Variants in TAFA2 observed in about 807,000 individuals in gnomAD.
The protein encoded by TAFA2 is TAFA chemokine like family member 2.
In TAFA2, 7 loss-of-function variants were observed where a neutral mutation model predicts 18.8. That is an observed-to-expected ratio of 0.37 (90% CI 0.21 to 0.70). The LOEUF (loss-of-function observed/expected upper bound fraction) is 0.70, where lower values mean the gene tolerates loss of function less well. TAFA2 is among the 30% of genes least tolerant of loss of function. The pLI is 0.53. For missense variants in TAFA2, 122 were observed against 158.1 expected (o/e 0.77, Z 1.23); for synonymous variants, 60 against 54.2 (o/e 1.11, Z -0.47).
rs184121562 is a variant in TAFA2 at position 62,090,733 on chromosome 12, C to T, written c.-2+100526G>A. ...ATTTTTTCTAAAGAATATATAAACC[C>T]TATTGCAGCATTCATTTTCCATGGA... On this transcript the variant is annotated intron_variant, in intron 1 of 4. Coordinates refer to ENST00000416284, the MANE Select transcript of TAFA2 (RefSeq NM_178539.5). Among the ~76,000 whole-genome samples, 194 of 152,052 alleles carry T rather than the reference C, an allele frequency of 1.3e-3. 2 individuals are homozygous for T. Among genetic ancestry groups the T allele is most frequent in the Admixed American group, 7.1e-3 (108 of 15,250 alleles).
intron 2 of TAFA2, among the ~76,000 whole-genome samples, chr12:61,797,413 A>C (rs1357625657): frequency 6.6e-6 from 1 of 152,172 alleles, no homozygotes; most frequent in Non-Finnish European, 1.5e-5. Context: ...CTAATGAGCC[A>C]GTGAAATTAA....
At chr12:62,004,519 G>C (rs1009741572) in intron 1 of TAFA2, among the ~76,000 whole-genome samples, 7 of 152,106 alleles carry the variant, frequency 4.6e-5, no homozygotes, top group Non-Finnish European at 1.0e-4. Flanking sequence ...CTGTAAAGTA[G>C]GAACAAGCAT....
intron 1 of TAFA2, among the ~76,000 whole-genome samples, chr12:62,121,275 C>T (rs551122219): frequency 1.1e-4 from 17 of 152,126 alleles, no homozygotes; most frequent in East Asian, 3.9e-4. Context: ...TTATTCCTGC[C>T]GGGGGAGTGA....
upstream of TAFA2, among the ~76,000 whole-genome samples, chr12:62,197,140 A>G (rs1301911080): frequency 1.3e-5 from 2 of 152,214 alleles, no homozygotes; most frequent in Admixed American, 1.3e-4. Context: ...TGATGATCTG[A>G]GGTGGGATGG....
chr12:61,958,593 C>T (rs1169764190), intron 1 of TAFA2, among the ~76,000 whole-genome samples: 1 of 151,740 alleles, frequency 6.6e-6, no homozygotes, highest in East Asian at 1.9e-4. Context: ...CTTTATTTGT[C>T]TGTTGGCCAT....
intron 1 of TAFA2, among the ~76,000 whole-genome samples, chr12:62,160,640 C>T (rs527590105): frequency 1.3e-5 from 2 of 152,314 alleles, no homozygotes; most frequent in African/African-American, 2.4e-5. Context: ...ATATGACAGA[C>T]GCTTCTGACT....
intron 2 of TAFA2, among the ~76,000 whole-genome samples, chr12:61,835,519 A>T (rs916038776): frequency 2.0e-5 from 3 of 151,994 alleles, no homozygotes; most frequent in Non-Finnish European, 4.4e-5. Flanking sequence ...GAAAAAGATA[A>T]TTTTAACATT....
At chr12:62,206,098 C>T (rs538069319) in intron 1 of TAFA2, among the ~76,000 whole-genome samples, 194 of 152,258 alleles carry the variant, frequency 1.3e-3, no homozygotes, top group Non-Finnish European at 2.2e-3. Flanking sequence ...TTTGCCGGTG[C>T]AGGAGTCACT....
chr12:62,199,472 T>C (rs1406872988), intron 1 of TAFA2, among the ~76,000 whole-genome samples: 6 of 152,168 alleles, frequency 3.9e-5, no homozygotes, highest in Admixed American at 3.9e-4. Flanking sequence ...TGGTGTTCTG[T>C]TCCTGTGTTA....
intron 1 of TAFA2, among the ~76,000 whole-genome samples, chr12:62,115,683 G>C (rs370279788): frequency 5.3e-5 from 8 of 152,136 alleles, no homozygotes; most frequent in African/African-American, 1.9e-4. Flanking sequence ...GTTGTGTCTG[G>C]TTTGTACCAG....
intron 1 of TAFA2, among the ~76,000 whole-genome samples, chr12:61,965,999 G>T (rs888612506): frequency 3.3e-5 from 5 of 151,814 alleles, no homozygotes; most frequent in African/African-American, 7.3e-5. Context: ...CACCTTTGGG[G>T]TATTTTAAAT....
At chr12:61,851,802 A>C (rs1289773197) in intron 2 of TAFA2, among the ~76,000 whole-genome samples, 8 of 145,036 alleles carry the variant, frequency 5.5e-5, no homozygotes, top group East Asian at 2.0e-4. Context: ...AAAAAAAAAA[A>C]AAAAAAAAAA....
chr12:61,870,181 A>G (rs1322182627), intron 1 of TAFA2, among the ~76,000 whole-genome samples: 2 of 152,200 alleles, frequency 1.3e-5, no homozygotes, highest in African/African-American at 4.8e-5. Flanking sequence ...TTTTCGTAAC[A>G]TCGTCACTCC....
At chr12:62,111,432 A>G (rs1354576359) in intron 1 of TAFA2, among the ~76,000 whole-genome samples, 3 of 152,074 alleles carry the variant, frequency 2.0e-5, no homozygotes, top group Admixed American at 2.0e-4. Context: ...TAGAACAAAT[A>G]CAATGTGGTG....
intron 1 of TAFA2, among the ~76,000 whole-genome samples, chr12:62,182,338 GA>G (rs2062557978): frequency 6.6e-6 from 1 of 152,186 alleles, no homozygotes; most frequent in African/African-American, 2.4e-5. Flanking sequence ...AAGAGCCTAT[GA>G]GAAAAATGTT....
At chr12:61,980,970 A>G (rs1465708748) in intron 1 of TAFA2, among the ~76,000 whole-genome samples, 2 of 152,194 alleles carry the variant, frequency 1.3e-5, no homozygotes, top group Admixed American at 6.5e-5. Flanking sequence ...TAAATTTCAT[A>G]TGGAACCAAA....
intron 4 of TAFA2, among the ~76,000 whole-genome samples, chr12:61,738,329 A>ACACACACC (rs1555198029): frequency 0.025 from 3,719 of 146,778 alleles, 79 homozygotes; most frequent in South Asian, 0.03. Flanking sequence ...ACACACACAC[A>ACACACACC]AACCTAGCTC....
At chr12:61,810,379 T>C (rs866556846) in intron 2 of TAFA2, among the ~76,000 whole-genome samples, 3 of 151,206 alleles carry the variant, frequency 2.0e-5, no homozygotes, top group East Asian at 1.9e-4. Context: ...TTTTTAAGTA[T>C]AGATATTTCC....
chr12:61,930,842 A>G (rs1877525629), intron 1 of TAFA2, among the ~76,000 whole-genome samples: 1 of 152,230 alleles, frequency 6.6e-6, no homozygotes, highest in African/African-American at 2.4e-5. Context: ...GTCAGGTGCC[A>G]TGAGGCACAA....
Sources: gnomAD v4.1 joint callset for allele counts (sites outside exome capture counted in the v4.1 genomes callset) on GRCh38, gnomAD v4.1.1 for gene constraint, MANE v1.5 for transcripts, NCBI Gene and HGNC (gene_info 2026-07-23, HGNC 2026-07-21) for gene names.